The following HIBCH variants were observed in gnomAD, a reference collection of about 807,000 sequenced individuals.
HIBCH encodes 3-hydroxyisobutyryl-CoA hydrolase, mitochondrial.
In HIBCH, 50 loss-of-function variants were observed where a neutral mutation model predicts 58.2. That is an observed-to-expected ratio of 0.86 (90% CI 0.68 to 1.09). The LOEUF is 1.09. HIBCH is among the 50% of genes least tolerant of loss of function. The probability of loss-of-function intolerance (pLI) is 0.00; values close to 1 mark genes in which losing one functional copy is unlikely to be tolerated. For synonymous variants in HIBCH, 151 were observed against 146.9 expected, an observed-to-expected ratio of 1.03 and a Z score of -0.20; for missense variants, 450 against 449.7, an observed-to-expected ratio of 1.00 and a Z score of -0.01.
At chr2:190,219,163 A>C (rs956180064) in intron 11 of HIBCH, among the ~76,000 whole-genome samples, 2 of 152,242 alleles carry the variant, frequency 1.3e-5, no homozygotes, top group Non-Finnish European at 1.5e-5. Flanking sequence ...AGTTGGAGAA[A>C]TCTAACAAAT....
rs368513452 is a variant in HIBCH at position 190,220,027 on chromosome 2, G to A, written c.892-6952C>T. 3.9e-5 allele frequency among the ~76,000 whole-genome samples: 6 copies of A among 152,132 alleles called. No homozygotes were observed. In the South Asian group the frequency reaches 8.3e-4, roughly 21 times the overall value. ...AAGAGAGAAGACAATTCAAGATTACGTACAGCACTTGTTTACAGCATTTAA... is the reference window on the plus strand; with the variant it reads ...AAGAGAGAAGACAATTCAAGATTACATACAGCACTTGTTTACAGCATTTAA... On this transcript the variant is annotated intron_variant, in intron 11 of 13. Transcript: ENST00000359678.
At chr2:190,221,570 G>T (rs113767212) in intron 11 of HIBCH, among the ~76,000 whole-genome samples, 502 of 152,272 alleles carry the variant, frequency 3.3e-3, no homozygotes, top group African/African-American at 0.012. Context: ...CGGGAAGAGG[G>T]TGGGTCCCCC....
chr2:190,286,966 C>T lies in HIBCH; in HGVS notation c.438+620G>A, dbSNP rs555216504. On this transcript the variant is annotated intron_variant, in intron 6 of 13. Coordinates refer to ENST00000359678, the MANE Select transcript of HIBCH (RefSeq NM_014362.4). ...GGCTCTATATATTAAAAGATAAAAA[C>T]ACAATCAGTTTCCATTGCTTAAAAA... is the stretch of plus-strand genomic sequence containing the variant. Among the ~76,000 whole-genome samples the T allele has an allele frequency of 2.6e-5, 4 of 151,026 alleles. No individual in the cohort carries two copies. In the South Asian group the frequency reaches 6.3e-4, roughly 24 times the overall value.
rs1247431630 is a variant in HIBCH, at chr2:190,210,777, T to C, written c.1012-1864A>G. The stretch of plus-strand genomic sequence containing the variant: ...ATGCTCCAGCCTCACAGCTTTGTTC[T>C]TGCAGTTCCCACTGCCTGGGATGCT... On this transcript the variant is annotated intron_variant, in intron 12 of 13. Coordinates refer to ENST00000359678, the MANE Select transcript of HIBCH (RefSeq NM_014362.4). This position sits in a 1 kb window ranked among gnomAD's most constrained non-coding sequence, Gnocchi z 5.5. Among the ~76,000 whole-genome samples, 1 of 152,152 alleles carries C rather than the reference T, an allele frequency of 6.6e-6. No homozygotes were observed. The highest frequency in any genetic ancestry group is 1.5e-5 in the Non-Finnish European group (1 of 68,032).
chr2:190,289,028 T>C (rs1451337892), intron 5 of HIBCH, among the ~76,000 whole-genome samples: 4 of 152,122 alleles, frequency 2.6e-5, no homozygotes, highest in African/African-American at 9.7e-5. Flanking sequence ...GGAGAATCAC[T>C]TGAACCTGGG....
At chr2:190,199,887 T>G (rs567231575), downstream of HIBCH, 9 of 1,613,830 alleles carry the variant, frequency 5.6e-6, no homozygotes, top group South Asian at 1.1e-5. Context: ...CAAAGCAAAC[T>G]TTCCCATTTC....
At chr2:190,232,518 A>G (rs2105921326) in intron 11 of HIBCH, among the ~76,000 whole-genome samples, 1 of 152,330 alleles carries the variant, frequency 6.6e-6, no homozygotes, top group East Asian at 1.9e-4. Flanking sequence ...GAGGACTCTT[A>G]GGCGCTTACA....
intron 1 of HIBCH, among the ~76,000 whole-genome samples, chr2:190,196,766 C>A (rs935498897): frequency 1.3e-5 from 2 of 152,080 alleles, no homozygotes; most frequent in African/African-American, 4.8e-5. Context: ...TATAGCCATG[C>A]CCATTTGTTT....
intron 7 of HIBCH, among the ~76,000 whole-genome samples, chr2:190,255,900 G>A (rs907052321): frequency 5.9e-5 from 9 of 152,126 alleles, no homozygotes; most frequent in Admixed American, 6.6e-5. Context: ...CACACTACCC[G>A]AGACTGAGTA....
rs573938839 is a variant in HIBCH, at chr2:190,295,653, G to A, written c.220-1023C>T. 3.9e-5 allele frequency among the ~76,000 whole-genome samples: 6 copies of A among 152,262 alleles called. No homozygotes were observed. In the East Asian group the frequency reaches 5.8e-4, roughly 15 times the overall value. On this transcript the variant is annotated intron_variant, in intron 3 of 13. Transcript: ENST00000359678. The stretch of plus-strand genomic sequence containing the variant: ...TTGTCCAAAAGGTTCATGCAATACC[G>A]GACTACATTAATTACATTAATAGAG...
At chr2:190,224,447 A>T (rs1408093145) in intron 11 of HIBCH, among the ~76,000 whole-genome samples, 2 of 152,306 alleles carry the variant, frequency 1.3e-5, no homozygotes, top group Non-Finnish European at 2.9e-5. Flanking sequence ...AAGATCTACC[A>T]AGCAAATGGA....
At position 190,204,354 on chromosome 2, in the gene HIBCH, A is replaced by T. The variant is rs1219674123; in HGVS notation, c.*763T>A. The T allele has an allele frequency of 6.6e-6, 1 of 152,090 alleles. No individual in the cohort carries two copies. The highest frequency in any genetic ancestry group is 1.9e-4 in the East Asian group (1 of 5,196). The allele number at this position is 152,090 out of a possible 1,614,324, so 9.4% of individuals were successfully genotyped here. ...TTGGAGTTTCCTAATTTCTCATTCTACCAGATTAACAAATATCACAAATAA... is the reference window on the plus strand; with the variant it reads ...TTGGAGTTTCCTAATTTCTCATTCTTCCAGATTAACAAATATCACAAATAA... On this transcript the variant is annotated 3_prime_UTR_variant, in exon 14 of 14. Coordinates refer to ENST00000359678, the MANE Select transcript of HIBCH (RefSeq NM_014362.4).
At chr2:190,226,452 G>A (rs146279411) in intron 11 of HIBCH, among the ~76,000 whole-genome samples, 5,198 of 152,022 alleles carry the variant, frequency 0.034, 140 homozygotes, top group East Asian at 0.14. Context: ...AAAATTAGCC[G>A]GGCATGGTGG....
intron 11 of HIBCH, among the ~76,000 whole-genome samples, chr2:190,238,742 C>T (rs1436634043): frequency 3.9e-5 from 6 of 152,344 alleles, no homozygotes; most frequent in South Asian, 2.1e-4. Context: ...GGATTACAGG[C>T]GTGAGCCACC....
chr2:190,239,651 T>TTTTTTTTTTTTTTTTTTG (rs1559028136), intron 11 of HIBCH, among the ~76,000 whole-genome samples: 16 of 148,768 alleles, frequency 1.1e-4, no homozygotes, highest in African/African-American at 4.0e-4. Context: ...TTTGTAGTTT[T>TTTTTTTTTTTTTTTTTTG]TTTTTTTTTT....
At chr2:190,248,824 G>A (rs1686683364) in intron 9 of HIBCH, among the ~76,000 whole-genome samples, 1 of 149,918 alleles carries the variant, frequency 6.7e-6, no homozygotes, top group Non-Finnish European at 1.5e-5. Flanking sequence ...TTGCGCCACC[G>A]CCCTCCAGCC....
At chr2:190,262,457 A>G (rs1486416191) in intron 6 of HIBCH, among the ~76,000 whole-genome samples, 1 of 152,172 alleles carries the variant, frequency 6.6e-6, no homozygotes. Context: ...TTAGAACTAG[A>G]CCTAGATCCT....
At chr2:190,319,202 A>G (rs1017784213) in intron 1 of HIBCH, among the ~76,000 whole-genome samples, 2 of 152,162 alleles carry the variant, frequency 1.3e-5, no homozygotes, top group African/African-American at 4.8e-5. Flanking sequence ...GTTTGCAAAC[A>G]TGCTCCCCCA....
chr2:190,226,379 T>A (rs1160042139), intron 11 of HIBCH, among the ~76,000 whole-genome samples: 1 of 152,112 alleles, frequency 6.6e-6, no homozygotes, highest in African/African-American at 2.4e-5. Context: ...GCAGATCACC[T>A]GAGGTCAGGA....
Sources: allele counts gnomAD v4.1 joint callset (sites outside exome capture counted in the v4.1 genomes callset), GRCh38; gene constraint gnomAD v4.1.1; non-coding constraint Gnocchi (gnomAD v3.1); transcripts MANE v1.5; gene names NCBI Gene and HGNC (gene_info 2026-07-23, HGNC 2026-07-21).